PDE4D: variants seen among roughly 807,000 people sequenced by gnomAD.
PDE4D encodes the protein 3',5'-cyclic-AMP phosphodiesterase 4D.
PDE4D carries 24 observed loss-of-function variants against 87.4 expected under a neutral mutation model. The observed-to-expected ratio is 0.27, with a 90% CI of 0.20 to 0.39. PDE4D has a LOEUF of 0.39. PDE4D is among the 10% of genes least tolerant of loss of function. PDE4D has a pLI of 1.00. For synonymous variants in PDE4D, 384 were observed against 383.2 expected, an observed-to-expected ratio of 1.00 and a Z score of -0.02; for missense variants, 714 against 1,041.0, an observed-to-expected ratio of 0.69 and a Z score of 4.32.
chr5:60,230,392 G>A (rs1745656569), intron 1 of PDE4D, among the ~76,000 whole-genome samples: 1 of 152,014 alleles, frequency 6.6e-6, no homozygotes, highest in Admixed American at 6.6e-5. Context: ...AGACAAAAGT[G>A]GGCAAATGTG....
intron 1 of PDE4D, among the ~76,000 whole-genome samples, chr5:59,765,739 C>T (rs992624116): frequency 6.6e-6 from 1 of 152,186 alleles, no homozygotes; most frequent in Admixed American, 6.5e-5. Context: ...GTGGCTAGGG[C>T]AGGCTGCCTC....
At chr5:59,020,158 C>T (rs1036022246) in intron 6 of PDE4D, among the ~76,000 whole-genome samples, 2 of 152,070 alleles carry the variant, frequency 1.3e-5, no homozygotes, top group Admixed American at 1.3e-4. Flanking sequence ...AAAGTCATCA[C>T]CAAACTAAAA....
At position 60,407,036 on chromosome 5, in the gene PDE4D, G is replaced by C. The variant is rs376538450; in HGVS notation, c.-90+80906C>G. On this transcript the variant is annotated intron_variant, in intron 1 of 16. Coordinates refer to the PDE4D transcript ENST00000502484. The stretch of plus-strand genomic sequence containing the variant: ...TAAGGTAGGGATGAGGAATGAAAAA[G>C]GCCAGGAGATGAGATGTGACGGAAA... Among the ~76,000 whole-genome samples, 5 of 152,152 alleles carry C rather than the reference G, an allele frequency of 3.3e-5. No homozygotes were observed. The East Asian group carries it at 5.8e-4, about 18-fold the overall frequency.
chr5:59,961,807 G>A (rs1450117886), intron 3 of PDE4D, among the ~76,000 whole-genome samples: 1 of 152,110 alleles, frequency 6.6e-6, no homozygotes, highest in Admixed American at 6.6e-5. Context: ...TGGGTTTATG[G>A]TGAAGATGAT....
chr5:59,649,997 A>G (rs1743191366), intron 1 of PDE4D, among the ~76,000 whole-genome samples: 1 of 142,648 alleles, frequency 7.0e-6, no homozygotes, highest in African/African-American at 2.6e-5. Flanking sequence ...TAGAAGTAAA[A>G]GAAAAGACCA....
At chr5:59,587,523 C>A (rs1825343515) in intron 1 of PDE4D, 1 of 985,406 alleles carries the variant, frequency 1.0e-6, no homozygotes, top group African/African-American at 1.7e-5. Context: ...TCCAGCAGAA[C>A]CTTTGGAATC....
intron 1 of PDE4D, among the ~76,000 whole-genome samples, chr5:59,225,939 A>G (rs564895223): frequency 6.6e-6 from 1 of 152,178 alleles, no homozygotes; most frequent in Non-Finnish European, 1.5e-5. Flanking sequence ...AGGAAATGCA[A>G]AGGAAAACCA....
At position 60,017,286 on chromosome 5, in the gene PDE4D, T is replaced by C. The variant is rs546476953; in HGVS notation, c.43-28569A>G. Among the ~76,000 whole-genome samples the C allele has an allele frequency of 2.6e-5, 4 of 152,298 alleles. No individual in the cohort carries two copies. The East Asian group carries it at 5.8e-4, about 22-fold the overall frequency. On this transcript the variant is annotated intron_variant, in intron 2 of 16. Transcript: ENST00000502484. Reference sequence around the variant, plus strand: ...GAGCACAAAGAGAGTAGATTTAGCATATTTAATTTAATTTAATTTTAAGTT... The same window carrying C: ...GAGCACAAAGAGAGTAGATTTAGCACATTTAATTTAATTTAATTTTAAGTT...
chr5:59,427,362 A>G (rs1795447578), intron 1 of PDE4D, among the ~76,000 whole-genome samples: 2 of 151,064 alleles, frequency 1.3e-5, no homozygotes, highest in Non-Finnish European at 2.9e-5. Flanking sequence ...AATATGTACC[A>G]TGCATTTTCT....
chr5:60,143,771 G>GT (rs1780763282), intron 2 of PDE4D, among the ~76,000 whole-genome samples: 2 of 151,976 alleles, frequency 1.3e-5, no homozygotes, highest in South Asian at 4.1e-4. Flanking sequence ...TAATTCACTA[G>GT]TTTATCTTAC....
intron 1 of PDE4D, among the ~76,000 whole-genome samples, chr5:60,441,507 C>T (rs2150133791): frequency 6.6e-6 from 1 of 152,210 alleles, no homozygotes; most frequent in South Asian, 2.1e-4. Context: ...TAGGCAATAC[C>T]ATTGAGGATA....
chr5:59,675,884 G>T (rs931383110), intron 1 of PDE4D, among the ~76,000 whole-genome samples: 5 of 151,950 alleles, frequency 3.3e-5, no homozygotes, highest in African/African-American at 1.2e-4. Flanking sequence ...TAGAGACAGG[G>T]TCTCACTATG....
intron 2 of PDE4D, among the ~76,000 whole-genome samples, chr5:60,163,772 C>T (rs1487422113): frequency 6.6e-6 from 1 of 152,158 alleles, no homozygotes; most frequent in Admixed American, 6.5e-5. Flanking sequence ...TCCCAACCTC[C>T]CCTACCACGC....
intron 2 of PDE4D, among the ~76,000 whole-genome samples, chr5:60,042,507 C>A (rs12186556): frequency 0.23 from 34,634 of 152,180 alleles, 5,033 homozygotes; most frequent in Admixed American, 0.34. Context: ...CTGGGAGATA[C>A]TTCCCAGCAG....
intron 2 of PDE4D, among the ~76,000 whole-genome samples, chr5:60,050,486 G>C (rs1478144615): frequency 1.3e-5 from 2 of 152,156 alleles, no homozygotes; most frequent in East Asian, 1.9e-4. Context: ...ACCCAATCCT[G>C]AGAGATTTTG....
intron 1 of PDE4D, among the ~76,000 whole-genome samples, chr5:59,550,089 G>A (rs294482): frequency 2.6e-5 from 4 of 151,644 alleles, no homozygotes; most frequent in African/African-American, 4.8e-5. Flanking sequence ...TGTGATGTCC[G>A]TCTACATGTT....
intron 5 of PDE4D, among the ~76,000 whole-genome samples, chr5:59,140,041 G>A (rs1777666734): frequency 6.6e-6 from 1 of 152,208 alleles, no homozygotes; most frequent in African/African-American, 2.4e-5. Flanking sequence ...CAGAAACTCT[G>A]ATCCACCTAA....
rs373063433 is a variant in PDE4D, at chr5:60,230,998, T to C, written c.-89-45311A>G. Reference sequence around the variant, plus strand: ...TCACATGGAGAATGCAGTGATGACCTGGGGAATGTTAAAGGTAGAAGTTTG... The same window carrying C: ...TCACATGGAGAATGCAGTGATGACCCGGGGAATGTTAAAGGTAGAAGTTTG... On this transcript the variant is annotated intron_variant, in intron 1 of 16. Transcript: ENST00000502484. 5.3e-5 allele frequency among the ~76,000 whole-genome samples: 8 copies of C among 152,156 alleles called. No individual in the cohort carries two copies. In the East Asian group the frequency reaches 5.8e-4, roughly 11 times the overall value.
chr5:59,385,480 A>G, intron 1 of PDE4D, among the ~76,000 whole-genome samples: 1 of 152,080 alleles, frequency 6.6e-6, no homozygotes, highest in South Asian at 2.1e-4. Context: ...TTTTTAAGTA[A>G]TTTATCATTA....
Sources: gnomAD v4.1 joint callset for allele counts (sites outside exome capture counted in the v4.1 genomes callset) on GRCh38, gnomAD v4.1.1 for gene constraint, MANE v1.5 for transcripts, NCBI Gene and HGNC (gene_info 2026-07-23, HGNC 2026-07-21) for gene names.